Variants in GNPDA1 observed in about 807,000 individuals in gnomAD.
The protein encoded by GNPDA1 is GNPDA 1.
In GNPDA1, 24 loss-of-function variants were observed where a neutral mutation model predicts 28.5. That is an observed-to-expected ratio of 0.84 (90% CI 0.61 to 1.19). GNPDA1 has a LOEUF of 1.19. Ranked by LOEUF, GNPDA1 falls within the 50% of genes most tolerant of loss-of-function variation. The pLI, the probability that GNPDA1 is intolerant of heterozygous loss-of-function variation, is 0.00. For synonymous variants in GNPDA1, 147 were observed against 139.3 expected, an observed-to-expected ratio of 1.06 and a Z score of -0.39; for missense variants, 264 against 367.3, an observed-to-expected ratio of 0.72 and a Z score of 2.30.
Position 142,011,911 on chromosome 5 carries a change from C to A in GNPDA1, c.124+1G>T. ...GGCACCCTCTCCATCCAAGAACGCA[C>A]CAGTGGGGAGCCCCAGGGTGAAGTA... On this transcript the variant is annotated splice_donor_variant, in intron 2 of 6. Coordinates refer to ENST00000311337, the MANE Select transcript of GNPDA1 (RefSeq NM_005471.5). LOFTEE classifies it high-confidence loss of function. 6.2e-7 allele frequency: 1 copy of A among 1,614,068 alleles called. No homozygotes were observed. The highest frequency in any genetic ancestry group is 8.5e-7 in the Non-Finnish European group (1 of 1,179,926).
Position 142,007,796 on chromosome 5 carries a change from C to T in GNPDA1, c.226+3G>A, listed in dbSNP as rs1179259863. 1.3e-6 allele frequency: 2 copies of T among 1,535,112 alleles called. No homozygotes were observed. Among genetic ancestry groups the T allele is most frequent in the Non-Finnish European group, 1.8e-6 (2 of 1,108,608 alleles). The stretch of plus-strand genomic sequence containing the variant: ...GAAAGAACCTTGAAAGAGAAAGACT[C>T]ACCCACGTACTCATCCATGTTGAAG... On this transcript the variant is annotated splice_donor_region_variant and intron_variant, in intron 3 of 6. Transcript: ENST00000311337.
Position 142,003,098 on chromosome 5 carries a change from C to T in GNPDA1, c.759G>A (p.Lys253=), listed in dbSNP as rs570703487. The T allele has an allele frequency of 7.4e-6, 12 of 1,612,820 alleles. No homozygotes were observed. Among genetic ancestry groups the T allele is most frequent in the South Asian group, 6.6e-5 (6 of 90,846 alleles). The change falls in exon 6 of 7, where the codon AAG becomes AAA. Residue 253 remains lysine (K), a synonymous_variant. Coordinates refer to ENST00000311337, the MANE Select transcript of GNPDA1 (RefSeq NM_005471.5). This position sits in a 1 kb window ranked among gnomAD's most constrained non-coding sequence, Gnocchi z 4.0. ...CCACACCTCCCTCACCTTTGAAATA[C>T]TTGACAGTCTTCACTTTCAGCTCCA... ...ATLELKVKTV[K]YFKGLMLVHN...
chr5:142,004,601 C>T (rs1596734108), intron 5 of GNPDA1, among the ~76,000 whole-genome samples: 1 of 152,226 alleles, frequency 6.6e-6, no homozygotes, highest in African/African-American at 2.4e-5. Flanking sequence ...CTCTCCATAC[C>T]TGGTCAGGTA....
Position 142,006,127 on chromosome 5 carries a change from C to T in GNPDA1, c.409+17G>A. ...GGTCTGGCCCTGGACATGTGTGCTG[C>T]AGAGTGTCAAGCTCACCTCCAACAA... is the stretch of plus-strand genomic sequence containing the variant. On this transcript the variant is annotated intron_variant, in intron 4 of 6. Transcript: ENST00000311337. 6.2e-7 allele frequency: 1 copy of T among 1,602,554 alleles called. No homozygotes were observed. The highest frequency in any genetic ancestry group is 8.5e-7 in the Non-Finnish European group (1 of 1,171,974).
At position 142,001,149 on chromosome 5, in the gene GNPDA1, A is replaced by G. The variant is rs1755668773; in HGVS notation, c.*880T>C. Reference sequence around the variant, plus strand: ...ACTCAGGAGTTGTGACTAAACTCACACTTAAGCTGCCTGCCCAGACCGTCC... The same window carrying G: ...ACTCAGGAGTTGTGACTAAACTCACGCTTAAGCTGCCTGCCCAGACCGTCC... On this transcript the variant is annotated 3_prime_UTR_variant, in exon 7 of 7. Transcript: ENST00000311337. The G allele has an allele frequency of 6.6e-6, 1 of 152,348 alleles. No individual in the cohort carries two copies. 9.4% of individuals were successfully genotyped at this position (152,348 alleles called of 1,614,324 possible).
chr5:142,003,143 CACAA>C lies in GNPDA1; in HGVS notation c.710_713del (p.Phe237CysfsTer10). 3.7e-6 allele frequency: 6 copies of C among 1,614,194 alleles called. No individual in the cohort carries two copies. Among genetic ancestry groups the C allele is most frequent in the Non-Finnish European group, 4.2e-6 (5 of 1,180,022 alleles). On this transcript the variant is annotated frameshift_variant, in exon 6 of 7. Coordinates refer to ENST00000311337, the MANE Select transcript of GNPDA1 (RefSeq NM_005471.5). LOFTEE classifies it high-confidence loss of function. This position sits in a 1 kb window ranked among gnomAD's most constrained non-coding sequence, Gnocchi z 4.0. Reference sequence around the variant, plus strand: ...GCTCCAAGGTGGCATCCTCGTCACACACAAACACGGTGCGGGGATGCTGCTGGAA... The same window carrying C: ...GCTCCAAGGTGGCATCCTCGTCACACACACGGTGCGGGGATGCTGCTGGAA...
chr5:142,005,017 T>C lies in GNPDA1; in HGVS notation c.509A>G (p.Asn170Ser). ...GAGTTCTCCATCGAAGAACCTAGCA[T>C]TGGCCAGGATGGTATCCATGGCCAG... Reference protein sequence around the residue: ...KTLAMDTILANARFFDGELTK... With the variant: ...KTLAMDTILASARFFDGELTK... The change falls in exon 5 of 7, where the codon AAT becomes AGT. Residue 170 changes from asparagine to serine, a missense_variant. Physicochemically the swap from Asn to Ser is conservative, Grantham distance 46 (BLOSUM62 1). Transcript: ENST00000311337. The C allele has an allele frequency of 6.2e-7, 1 of 1,613,688 alleles. No homozygotes were observed. Among genetic ancestry groups the C allele is most frequent in the Non-Finnish European group, 8.5e-7 (1 of 1,179,658 alleles).
At chr5:142,007,967 G>T in intron 2 of GNPDA1, 67 bp from the exon 3 acceptor site, 1 of 865,212 alleles carries the variant, frequency 1.2e-6, no homozygotes. Flanking sequence ...AGGGTTCACA[G>T]GAATAAGTCA....
intron 2 of GNPDA1, among the ~76,000 whole-genome samples, chr5:142,009,228 G>A (rs574212434): frequency 8.6e-5 from 13 of 151,820 alleles, no homozygotes; most frequent in African/African-American, 2.9e-4. Flanking sequence ...AAAACCCATC[G>A]AGATTACGTC....
chr5:142,007,198 G>A (rs1755829346), intron 3 of GNPDA1, among the ~76,000 whole-genome samples: 1 of 152,158 alleles, frequency 6.6e-6, no homozygotes, highest in African/African-American at 2.4e-5. Flanking sequence ...ACTATACACA[G>A]AAAGGTGGTT....
intron 4 of GNPDA1, chr5:142,005,333 TC>T (rs973172052): frequency 4.6e-6 from 2 of 431,194 alleles, no homozygotes; most frequent in African/African-American, 3.9e-5. Flanking sequence ...GAGGAGACCC[TC>T]CCCATCATGT....
At chr5:142,010,677 C>A (rs1487300285) in intron 2 of GNPDA1, among the ~76,000 whole-genome samples, 1 of 151,706 alleles carries the variant, frequency 6.6e-6, no homozygotes, top group South Asian at 2.1e-4. Context: ...CCATGCCTAG[C>A]TAATTTTTCT....
In GNPDA1 at chr5:142,003,755, A is replaced by C. The variant is rs1346064426; in HGVS notation, c.595-493T>G. On this transcript the variant is annotated intron_variant, in intron 5 of 6. Coordinates refer to ENST00000311337, the MANE Select transcript of GNPDA1 (RefSeq NM_005471.5). This position sits in a 1 kb window ranked among gnomAD's most constrained non-coding sequence, Gnocchi z 4.0. ...AGAAAGGTTGCCCCATTATCTGGTC[A>C]CTTTCAGTTCACAGCATTAAACCTA... is the stretch of plus-strand genomic sequence containing the variant. Among the ~76,000 whole-genome samples the C allele has an allele frequency of 6.6e-6, 1 of 152,226 alleles. No homozygotes were observed. Among genetic ancestry groups the C allele is most frequent in the Non-Finnish European group, 1.5e-5 (1 of 68,038 alleles).
At chr5:142,011,389 T>G (rs1195055245) in intron 2 of GNPDA1, among the ~76,000 whole-genome samples, 1 of 152,196 alleles carries the variant, frequency 6.6e-6, no homozygotes, top group Non-Finnish European at 1.5e-5. Flanking sequence ...CTTGAGGAGC[T>G]GGGGTCAAAA....
chr5:142,002,580 C>G (rs1398679233), intron 6 of GNPDA1, among the ~76,000 whole-genome samples: 1 of 152,020 alleles, frequency 6.6e-6, no homozygotes, highest in Non-Finnish European at 1.5e-5. Flanking sequence ...TGGCAAAACC[C>G]CGCCTCTACT....
rs765316813 is a variant in GNPDA1 at position 142,003,188 on chromosome 5, C to T, written c.669G>A (p.Met223Ile). The change falls in exon 6 of 7, where the codon ATG becomes ATA. Residue 223 changes from methionine (M) to isoleucine (I), a missense_variant. Physicochemically the swap from Met to Ile is conservative, Grantham distance 10 (BLOSUM62 1). Coordinates refer to ENST00000311337, the MANE Select transcript of GNPDA1 (RefSeq NM_005471.5). This position sits in a 1 kb window ranked among gnomAD's most constrained non-coding sequence, Gnocchi z 4.0. ...YKAIEEGVNH[M>I]WTVSAFQQHP... The stretch of plus-strand genomic sequence containing the variant: ...GCTGCTGGAAGGCAGACACGGTCCA[C>T]ATGTGGTTCACTCCCTCCTCGATGG... 4 of 1,613,856 alleles carry T rather than the reference C, an allele frequency of 2.5e-6. No homozygotes were observed. Among genetic ancestry groups the T allele is most frequent in the African/African-American group, 2.7e-5 (2 of 74,904 alleles).
intron 2 of GNPDA1, among the ~76,000 whole-genome samples, chr5:142,009,963 G>A (rs531135415): frequency 2.0e-5 from 3 of 152,266 alleles, no homozygotes; most frequent in East Asian, 1.9e-4. Flanking sequence ...TGATGGGAAC[G>A]AGGGAATGGT....
In GNPDA1 at chr5:142,001,833, G is replaced by T; in HGVS notation, c.*196C>A. 7.5e-6 allele frequency: 3 copies of T among 401,998 alleles called. No individual in the cohort carries two copies. Among genetic ancestry groups the T allele is most frequent in the Non-Finnish European group, 1.3e-5 (3 of 226,926 alleles). 24.9% of individuals were successfully genotyped at this position (401,998 alleles called of 1,614,324 possible). On this transcript the variant is annotated 3_prime_UTR_variant, in exon 7 of 7. Coordinates refer to ENST00000311337, the MANE Select transcript of GNPDA1 (RefSeq NM_005471.5). ...TACATTTTGCAGATATTTTTTTTCTGATTAAGTTACAAACATTCTCCCTAT... is the reference window on the plus strand; with the variant it reads ...TACATTTTGCAGATATTTTTTTTCTTATTAAGTTACAAACATTCTCCCTAT...
chr5:142,005,184 C>T, intron 4 of GNPDA1, 68 bp from the exon 5 acceptor site: 1 of 1,250,032 alleles, frequency 8.0e-7, no homozygotes, highest in East Asian at 2.4e-5. Context: ...TGGACAATCT[C>T]TCCTTCCCTA....
Sources: allele counts gnomAD v4.1 joint callset (sites outside exome capture counted in the v4.1 genomes callset), GRCh38; gene constraint gnomAD v4.1.1; non-coding constraint Gnocchi (gnomAD v3.1); transcripts MANE v1.5; gene names NCBI Gene and HGNC (gene_info 2026-07-23, HGNC 2026-07-21).